ENOX1: variants seen among roughly 807,000 people sequenced by gnomAD.
ENOX1 encodes the protein ecto-NOX disulfide-thiol exchanger 1, also known as candidate growth-related and time keeping constitutive hydroquinone (NADH) oxidase.
A neutral mutation model predicts 82.5 loss-of-function variants in ENOX1; 42 were observed. The observed-to-expected ratio is 0.51, with a 90% confidence interval of 0.40 to 0.66. The LOEUF (loss-of-function observed/expected upper bound fraction) is 0.66, where lower values mean the gene tolerates loss of function less well. ENOX1 is among the 30% of genes least tolerant of loss of function. ENOX1 has a pLI of 0.00. For missense variants in ENOX1, 608 were observed against 811.6 expected, an observed-to-expected ratio of 0.75 and a Z score of 3.05; for synonymous variants, 271 against 282.2, an observed-to-expected ratio of 0.96 and a Z score of 0.40.
intron 12 of ENOX1, among the ~76,000 whole-genome samples, chr13:43,288,425 T>C (rs1236782613): frequency 6.6e-6 from 1 of 152,218 alleles, no homozygotes; most frequent in Admixed American, 6.5e-5. Flanking sequence ...GGTATGTCTT[T>C]GCAGCCACAG....
chr13:43,625,598 G>C (rs1372978464), intron 2 of ENOX1, among the ~76,000 whole-genome samples: 1 of 151,894 alleles, frequency 6.6e-6, no homozygotes, highest in African/African-American at 2.4e-5. Flanking sequence ...CAATCGATAT[G>C]ATCACGTGGC....
At chr13:43,493,216 T>C (rs1159458203) in intron 2 of ENOX1, among the ~76,000 whole-genome samples, 2 of 152,066 alleles carry the variant, frequency 1.3e-5, no homozygotes, top group African/African-American at 4.8e-5. Context: ...GAGATAGAAC[T>C]GATAGGACCT....
intron 2 of ENOX1, among the ~76,000 whole-genome samples, chr13:43,537,766 G>A (rs1405227883): frequency 6.6e-6 from 1 of 152,112 alleles, no homozygotes; most frequent in Non-Finnish European, 1.5e-5. Context: ...ATTTTCTCAC[G>A]ATATACCACA....
At chr13:43,470,396 ATGTG>A (rs375702360) in intron 3 of ENOX1, among the ~76,000 whole-genome samples, 5 of 99,964 alleles carry the variant, frequency 5.0e-5, no homozygotes, top group African/African-American at 1.7e-4. Context: ...ACGTATATAT[ATGTG>A]TATATATATA....
intron 9 of ENOX1, among the ~76,000 whole-genome samples, chr13:43,331,262 C>A (rs1471791001): frequency 6.6e-6 from 1 of 152,236 alleles, no homozygotes; most frequent in Non-Finnish European, 1.5e-5. Context: ...GTCTTGCCGA[C>A]TGCCTTCTTT....
chr13:43,670,027 C>A (rs2085180650), intron 1 of ENOX1, among the ~76,000 whole-genome samples: 1 of 152,118 alleles, frequency 6.6e-6, no homozygotes, highest in Non-Finnish European at 1.5e-5. Context: ...CCTCTTTCTG[C>A]ATATCCCCCA....
intron 3 of ENOX1, among the ~76,000 whole-genome samples, chr13:43,435,309 G>C (rs2055953586): frequency 6.6e-6 from 1 of 152,116 alleles, no homozygotes; most frequent in South Asian, 2.1e-4. Flanking sequence ...GTGGCCTGTT[G>C]GTCAGAACAT....
At chr13:43,348,133 C>A (rs1221482286) in intron 8 of ENOX1, among the ~76,000 whole-genome samples, 1 of 152,220 alleles carries the variant, frequency 6.6e-6, no homozygotes. Context: ...TCCTGGTCCC[C>A]CTGGTCAGCT....
intron 1 of ENOX1, among the ~76,000 whole-genome samples, chr13:43,736,309 C>G (rs1290519590): frequency 1.3e-5 from 2 of 152,122 alleles, no homozygotes; most frequent in African/African-American, 4.8e-5. Flanking sequence ...TCTGAAAAGG[C>G]TAATCAACCG....
intron 14 of ENOX1, among the ~76,000 whole-genome samples, chr13:43,242,414 C>T (rs777939565): frequency 3.3e-5 from 5 of 152,212 alleles, no homozygotes; most frequent in Non-Finnish European, 5.9e-5. Context: ...TTTTTCTTAC[C>T]TGTTCCCTTT....
At chr13:43,333,811 C>T (rs528643807) in intron 9 of ENOX1, among the ~76,000 whole-genome samples, 60 of 152,258 alleles carry the variant, frequency 3.9e-4, no homozygotes, top group East Asian at 1.4e-3. Context: ...TTAGTAGAGA[C>T]GGGGTTTCAC....
At chr13:43,592,846 C>A (rs985861841) in intron 2 of ENOX1, among the ~76,000 whole-genome samples, 1 of 152,124 alleles carries the variant, frequency 6.6e-6, no homozygotes, top group African/African-American at 2.4e-5. Flanking sequence ...CTGATAAAAT[C>A]AATAATTCTT....
chr13:43,589,185 A>T (rs1046748123), intron 2 of ENOX1, among the ~76,000 whole-genome samples: 1 of 148,184 alleles, frequency 6.7e-6, no homozygotes, highest in Non-Finnish European at 1.5e-5. Context: ...AAAATGACCA[A>T]ACCAGGAACC....
rs1290553766 is a variant in ENOX1 at position 43,412,022 on chromosome 13, G to T, written c.102C>A (p.Asp34Glu). The T allele has an allele frequency of 6.2e-7, 1 of 1,614,130 alleles. No individual in the cohort carries two copies. Among genetic ancestry groups the T allele is most frequent in the Admixed American group, 1.7e-5 (1 of 60,014 alleles). The change falls in exon 5 of 17, where the codon GAC becomes GAA. Residue 34 changes from aspartate to glutamate, a missense_variant. By Grantham distance (45) the Asp-to-Glu change is conservative. Coordinates refer to ENST00000690772, the MANE Select transcript of ENOX1 (RefSeq NM_001347969.2). Reference protein sequence around the residue: ...AADGLGSIAIDTTQLNMSVTD... With the variant: ...AADGLGSIAIETTQLNMSVTD... ...TCACGGACATGTTGAGCTGGGTCGT[G>T]TCTATCGCTATACTCCCCAAACCAT... is the stretch of plus-strand genomic sequence containing the variant.
At chr13:43,372,942 C>CAAA (rs71099832) in intron 5 of ENOX1, among the ~76,000 whole-genome samples, 1 of 144,510 alleles carries the variant, frequency 6.9e-6, no homozygotes, top group Non-Finnish European at 1.5e-5. Context: ...TCTTCATCTG[C>CAAA]AAAAAAAAAA....
chr13:43,413,441 G>A (rs1377782148), intron 3 of ENOX1, among the ~76,000 whole-genome samples: 2 of 151,912 alleles, frequency 1.3e-5, no homozygotes, highest in African/African-American at 2.4e-5. Context: ...TTCAGAGAGG[G>A]AAAAAAGTTG....
At chr13:43,589,011 G>C (rs986728207) in intron 2 of ENOX1, among the ~76,000 whole-genome samples, 1 of 151,948 alleles carries the variant, frequency 6.6e-6, no homozygotes, top group East Asian at 1.9e-4. Flanking sequence ...ATTCAGGAAA[G>C]CTCTCCTTTC....
chr13:43,743,242 A>G (rs1425975939), intron 1 of ENOX1, among the ~76,000 whole-genome samples: 1 of 152,198 alleles, frequency 6.6e-6, no homozygotes, highest in Non-Finnish European at 1.5e-5. Context: ...TTTATTTGAA[A>G]TGTCATTAGA....
intron 12 of ENOX1, among the ~76,000 whole-genome samples, chr13:43,295,973 T>G (rs1348202920): frequency 6.6e-6 from 1 of 152,138 alleles, no homozygotes; most frequent in Non-Finnish European, 1.5e-5. Flanking sequence ...GGCACACCTC[T>G]CAGGCCTTGG....
Sources: allele counts gnomAD v4.1 joint callset (sites outside exome capture counted in the v4.1 genomes callset), GRCh38; gene constraint gnomAD v4.1.1; transcripts MANE v1.5; gene names NCBI Gene and HGNC (gene_info 2026-07-23, HGNC 2026-07-21).